ANKS1B: variants seen among roughly 807,000 people sequenced by gnomAD.
The protein encoded by ANKS1B is ankyrin repeat and sterile alpha motif domain-containing protein 1B.
ANKS1B carries 36 observed loss-of-function variants against 148.3 expected under a neutral mutation model. The ratio of observed to expected loss-of-function variants is 0.24; its 90% CI spans 0.19 to 0.32. The LOEUF is 0.32. ANKS1B is among the 10% of genes least tolerant of loss of function. The probability of loss-of-function intolerance (pLI) is 1.00; values close to 1 mark genes in which losing one functional copy is unlikely to be tolerated. For missense variants in ANKS1B, 1,157 were observed against 1,542.6 expected (o/e 0.75, Z 4.19); for synonymous variants, 542 against 560.8 (o/e 0.97, Z 0.47).
intron 17 of ANKS1B, among the ~76,000 whole-genome samples, chr12:98,948,970 T>TTTTTTTTTTTTTTTG (rs2099849949): frequency 7.0e-6 from 1 of 142,540 alleles, no homozygotes; most frequent in Admixed American, 7.1e-5. Flanking sequence ...TTTTTTTTTT[T>TTTTTTTTTTTTTTTG]GAGATGGAGT....
At chr12:98,758,262 T>G (rs1439990565) in intron 25 of ANKS1B, among the ~76,000 whole-genome samples, 1 of 152,162 alleles carries the variant, frequency 6.6e-6, no homozygotes, top group Non-Finnish European at 1.5e-5. Context: ...AAAGGTTAAA[T>G]AACTTGCTCA....
intron 1 of ANKS1B, among the ~76,000 whole-genome samples, chr12:99,875,727 C>T (rs1294381060): frequency 6.6e-6 from 1 of 152,112 alleles, no homozygotes. Flanking sequence ...TTGGGGGCAT[C>T]CATAAAATTA....
chr12:99,196,857 A>T (rs1345945199), intron 14 of ANKS1B, among the ~76,000 whole-genome samples: 1 of 152,052 alleles, frequency 6.6e-6, no homozygotes, highest in South Asian at 2.1e-4. Flanking sequence ...TGTGTCCTCA[A>T]ATCTCTATTT....
chr12:99,908,501 G>T (rs983104950), intron 1 of ANKS1B, among the ~76,000 whole-genome samples: 5 of 152,078 alleles, frequency 3.3e-5, no homozygotes, highest in African/African-American at 1.2e-4. Flanking sequence ...AATCACCCAA[G>T]CCCGGGGAAG....
At chr12:99,600,177 T>C (rs1459882452) in intron 9 of ANKS1B, among the ~76,000 whole-genome samples, 1 of 152,046 alleles carries the variant, frequency 6.6e-6, no homozygotes, top group Non-Finnish European at 1.5e-5. Context: ...GTGTTCTATT[T>C]ACATGTGATT....
At chr12:99,262,867 G>A (rs1016818444) in intron 12 of ANKS1B, among the ~76,000 whole-genome samples, 1 of 151,340 alleles carries the variant, frequency 6.6e-6, no homozygotes, top group Non-Finnish European at 1.5e-5. Flanking sequence ...CTAGGGGAAT[G>A]TGTGTGTGTG....
intron 14 of ANKS1B, chr12:99,154,851 G>T (rs1601200415): frequency 2.0e-6 from 3 of 1,530,834 alleles, no homozygotes; most frequent in Non-Finnish European, 2.6e-6. Flanking sequence ...CCCCTCGCTC[G>T]CTCCCCTTCA....
At chr12:99,666,132 A>G (rs1241547500) in intron 8 of ANKS1B, among the ~76,000 whole-genome samples, 2 of 152,184 alleles carry the variant, frequency 1.3e-5, no homozygotes, top group Non-Finnish European at 2.9e-5. Context: ...CCATACGTGT[A>G]TGGGTTTATT....
intron 1 of ANKS1B, among the ~76,000 whole-genome samples, chr12:99,865,789 C>T (rs1358658175): frequency 1.3e-5 from 2 of 152,068 alleles, no homozygotes; most frequent in Non-Finnish European, 2.9e-5. Context: ...TAAACCTATG[C>T]CTCAGTCTAA....
intron 10 of ANKS1B, among the ~76,000 whole-genome samples, chr12:99,492,884 G>C (rs2096568197): frequency 6.6e-6 from 1 of 152,102 alleles, no homozygotes; most frequent in Admixed American, 6.5e-5. Context: ...TGAAGGCACA[G>C]ACCTCAAAAT....
intron 17 of ANKS1B, among the ~76,000 whole-genome samples, chr12:98,845,470 G>A (rs963360117): frequency 5.9e-5 from 9 of 152,158 alleles, no homozygotes; most frequent in African/African-American, 2.2e-4. Flanking sequence ...TAAATGTAAG[G>A]CTGGGTGCTT....
chr12:99,069,620 T>G (rs2045646944), intron 16 of ANKS1B, among the ~76,000 whole-genome samples: 1 of 152,240 alleles, frequency 6.6e-6, no homozygotes. Context: ...TATACCTTCA[T>G]GAATTCATGG....
chr12:99,313,797 C>A (rs941404941), intron 12 of ANKS1B, among the ~76,000 whole-genome samples: 6 of 152,054 alleles, frequency 3.9e-5, no homozygotes, highest in African/African-American at 1.2e-4. Context: ...TATGACAAAC[C>A]CACAGCCAAT....
chr12:99,681,240 C>G (rs1438862255), intron 8 of ANKS1B, among the ~76,000 whole-genome samples: 1 of 152,068 alleles, frequency 6.6e-6, no homozygotes, highest in East Asian at 1.9e-4. Flanking sequence ...CAACTCAAGC[C>G]ATTACAGCAA....
At chr12:99,486,925 T>C (rs1046173985) in intron 10 of ANKS1B, among the ~76,000 whole-genome samples, 3 of 152,112 alleles carry the variant, frequency 2.0e-5, no homozygotes, top group African/African-American at 7.2e-5. Context: ...AGAAAGGCTG[T>C]CTATTGTTGT....
intron 9 of ANKS1B, among the ~76,000 whole-genome samples, chr12:99,557,829 G>T (rs1182443344): frequency 6.6e-6 from 1 of 152,140 alleles, no homozygotes; most frequent in Admixed American, 6.5e-5. Context: ...TCTTTTAGAT[G>T]AGGTTTTTTG....
intron 7 of ANKS1B, among the ~76,000 whole-genome samples, chr12:99,775,044 TG>T (rs2063530394): frequency 6.6e-6 from 1 of 151,956 alleles, no homozygotes; most frequent in Admixed American, 6.6e-5. Flanking sequence ...GGTTCAGTTA[TG>T]GGGGATTAAT....
At chr12:99,793,502 A>G (rs891245433) in intron 4 of ANKS1B, among the ~76,000 whole-genome samples, 1 of 151,366 alleles carries the variant, frequency 6.6e-6, no homozygotes, top group African/African-American at 2.4e-5. Flanking sequence ...AAAATAGAAA[A>G]CCTAGAAACA....
chr12:99,417,385 CT>C (rs1567061049), intron 11 of ANKS1B, among the ~76,000 whole-genome samples: 1 of 152,148 alleles, frequency 6.6e-6, no homozygotes, highest in African/African-American at 2.4e-5. Flanking sequence ...TGGGTTCTCT[CT>C]TCTGTCCTAT....
Sources: gnomAD v4.1 joint callset for allele counts (sites outside exome capture counted in the v4.1 genomes callset) on GRCh38, gnomAD v4.1.1 for gene constraint, MANE v1.5 for transcripts, NCBI Gene and HGNC (gene_info 2026-07-23, HGNC 2026-07-21) for gene names.